CINP: variants seen among roughly 807,000 people sequenced by gnomAD.
CINP encodes cyclin-dependent kinase 2-interacting protein.
In CINP, 11 loss-of-function variants were observed where a neutral mutation model predicts 20.5. That is an observed-to-expected ratio of 0.54 (90% CI 0.34 to 0.89). CINP has a LOEUF of 0.89. Among genes scored for constraint, CINP ranks in the 40% least tolerant of loss-of-function variants. The pLI, the probability that CINP is intolerant of heterozygous loss-of-function variation, is 0.02. For synonymous variants in CINP, 108 were observed against 102.1 expected (o/e 1.06, Z -0.35); for missense variants, 213 against 251.0 (o/e 0.85, Z 1.02).
At chr14:102,361,413 G>A (rs1394706129) in intron 1 of CINP, among the ~76,000 whole-genome samples, 1 of 152,192 alleles carries the variant, frequency 6.6e-6, no homozygotes, top group Non-Finnish European at 1.5e-5. Flanking sequence ...GCCAAGGCGG[G>A]CGGATCACGA....
chr14:102,359,863 A>G (rs890172638), intron 1 of CINP, among the ~76,000 whole-genome samples: 1 of 152,200 alleles, frequency 6.6e-6, no homozygotes, highest in African/African-American at 2.4e-5. Context: ...TTTGTTTTCC[A>G]AAGATTGGAA....
At chr14:102,361,549 GAGA>G (rs1887154535) in intron 1 of CINP, among the ~76,000 whole-genome samples, 1 of 152,224 alleles carries the variant, frequency 6.6e-6, no homozygotes, top group South Asian at 2.1e-4. Context: ...GCTGAGGCAG[GAGA>G]ATGGCGTGAA....
intron 1 of CINP, among the ~76,000 whole-genome samples, chr14:102,361,137 T>C (rs1486517227): frequency 6.6e-6 from 1 of 152,094 alleles, no homozygotes; most frequent in Non-Finnish European, 1.5e-5. Context: ...AAGGTGTCGT[T>C]TAGGCTGAGA....
intron 2 of CINP, among the ~76,000 whole-genome samples, chr14:102,358,462 C>T (rs1887047396): frequency 6.6e-6 from 1 of 152,142 alleles, no homozygotes; most frequent in Admixed American, 6.6e-5. Flanking sequence ...GGGCAGATCA[C>T]TTGAGGTCAG....
chr14:102,359,516 C>T lies in CINP; in HGVS notation c.79G>A (p.Ala27Thr), dbSNP rs1327244576. The change falls in exon 2 of 5, where the codon GCG becomes ACG. Residue 27 changes from alanine to threonine, a missense_variant. Coordinates refer to ENST00000216756, the MANE Select transcript of CINP (RefSeq NM_032630.3). ...SVSARKIKDN[A>T]ADWHNLILKW... is the part of the protein sequence containing the mutation. ...AGGATTAAATTGTGCCAATCAGCCG[C>T]ATTGTCCTTAATTTTTCTTGCACTG... is the stretch of plus-strand genomic sequence containing the variant. The T allele has an allele frequency of 6.2e-7, 1 of 1,613,404 alleles. No homozygotes were observed. Among genetic ancestry groups the T allele is most frequent in the East Asian group, 2.2e-5 (1 of 44,820 alleles).
intron 3 of CINP, among the ~76,000 whole-genome samples, chr14:102,352,186 G>A (rs913477987): frequency 6.6e-6 from 1 of 152,008 alleles, no homozygotes; most frequent in African/African-American, 2.4e-5. Context: ...GCGCCCAGCC[G>A]ACACCAAGTT....
intron 3 of CINP, among the ~76,000 whole-genome samples, chr14:102,350,756 GCTCT>G (rs1865125008): frequency 6.6e-6 from 1 of 151,596 alleles, no homozygotes; most frequent in African/African-American, 2.4e-5. Context: ...CGTTTCTGAG[GCTCT>G]CTGTCTCTCT....
At chr14:102,355,668 T>G in intron 3 of CINP, 100 bp downstream of exon 3, 1 of 1,343,052 alleles carries the variant, frequency 7.4e-7, no homozygotes, top group Non-Finnish European at 1.0e-6. Context: ...CAGAGGAGAC[T>G]GAGAAGGAGT....
intron 3 of CINP, among the ~76,000 whole-genome samples, chr14:102,350,619 G>T (rs1277372578): frequency 6.6e-6 from 1 of 151,984 alleles, no homozygotes; most frequent in Non-Finnish European, 1.5e-5. Context: ...CTCCCAAAGT[G>T]CTGGGATTAT....
intron 3 of CINP, among the ~76,000 whole-genome samples, chr14:102,353,912 C>A (rs1886932965): frequency 6.6e-6 from 1 of 151,912 alleles, no homozygotes; most frequent in South Asian, 2.1e-4. Context: ...AACATGAGAA[C>A]CCCGTCTGTA....
intron 1 of CINP, among the ~76,000 whole-genome samples, chr14:102,361,613 C>T (rs959621613): frequency 2.6e-5 from 4 of 152,198 alleles, no homozygotes; most frequent in African/African-American, 9.7e-5. Context: ...TGCACTCCAG[C>T]CTGGGTGACA....
At chr14:102,353,757 G>A (rs923296550) in intron 3 of CINP, among the ~76,000 whole-genome samples, 2 of 151,938 alleles carry the variant, frequency 1.3e-5, no homozygotes, top group African/African-American at 2.4e-5. Flanking sequence ...AAGGGGACTC[G>A]ATGTCATACA....
chr14:102,349,319 A>T (rs1383103075), intron 4 of CINP, among the ~76,000 whole-genome samples: 2 of 152,112 alleles, frequency 1.3e-5, no homozygotes, highest in Non-Finnish European at 2.9e-5. Flanking sequence ...TCAGTAGGAG[A>T]TTCCCCTCAA....
Position 102,359,478 on chromosome 14 carries a change from G to A in CINP, c.117C>T (p.Thr39=), listed in dbSNP as rs749433358. The A allele has an allele frequency of 1.2e-5, 20 of 1,612,026 alleles. No homozygotes were observed. In the South Asian group the frequency reaches 1.9e-4, roughly 15 times the overall value. Residue 39 remains threonine, a synonymous_variant, in exon 2 of 5, where the codon ACC becomes ACT. Transcript: ENST00000216756. ...DWHNLILKWE[T]LNDAGFTTAN... ...CAGTGGTAAAACCTGCATCATTGAG[G>A]GTTTCCCACTTCAGGATTAAATTGT...
rs1357105139 is a variant in CINP, at chr14:102,352,093, A to G, written c.307-2045T>C. ...AGCAGAGCTGGGGTTTCACTGTGTT[A>G]GCCAGGATGGTCTCGATCTCCTGAC... On this transcript the variant is annotated intron_variant, in intron 3 of 4. Transcript: ENST00000216756. 3.3e-5 allele frequency among the ~76,000 whole-genome samples: 5 copies of G among 152,070 alleles called. No homozygotes were observed. The East Asian group carries it at 9.7e-4, about 29-fold the overall frequency.
Position 102,348,395 on chromosome 14 carries a change from T to C in CINP, c.*162A>G, listed in dbSNP as rs1886789372. On this transcript the variant is annotated 3_prime_UTR_variant, in exon 5 of 5. Coordinates refer to ENST00000216756, the MANE Select transcript of CINP (RefSeq NM_032630.3). ...TGGGGCTGGCCGCGGGTTGTGGGCA[T>C]GAGCACGCCTGGAGAGGCCATGGGG... is the stretch of plus-strand genomic sequence containing the variant. 1 of 644,174 alleles carries C rather than the reference T, an allele frequency of 1.6e-6. No homozygotes were observed. The allele number at this position is 644,174 out of a possible 1,614,324, so 39.9% of individuals were successfully genotyped here.
chr14:102,362,634 G>T, intron 1 of CINP: 1 of 719,138 alleles, frequency 1.4e-6, no homozygotes. Flanking sequence ...ATCTGTCACT[G>T]CACATGTGAA....
chr14:102,355,549 C>A (rs1947992181), intron 3 of CINP: 4 of 490,282 alleles, frequency 8.2e-6, no homozygotes, highest in Middle Eastern at 5.5e-4. Context: ...ATGTGATGAG[C>A]CCTGAAAGTG....
intron 2 of CINP, among the ~76,000 whole-genome samples, 192 bp downstream of exon 2, chr14:102,359,227 A>AATAAATATATATATATATAT (rs1555446396): frequency 8.7e-6 from 1 of 115,432 alleles, no homozygotes; most frequent in African/African-American, 3.2e-5. Context: ...TAAATAACTA[A>AATAAATATATATATATATAT]ATATATATAT....
Sources: allele counts gnomAD v4.1 joint callset (sites outside exome capture counted in the v4.1 genomes callset), GRCh38; gene constraint gnomAD v4.1.1; transcripts MANE v1.5; gene names NCBI Gene and HGNC (gene_info 2026-07-23, HGNC 2026-07-21).